ABCC9: variants seen among roughly 807,000 people sequenced by gnomAD.
ABCC9 encodes the protein ATP-binding cassette sub-family C member 9.
In ABCC9, 95 loss-of-function variants were observed where a neutral mutation model predicts 188.3. That is an observed-to-expected ratio of 0.50 (90% CI 0.43 to 0.60). ABCC9 has a LOEUF of 0.60. Among genes scored for constraint, ABCC9 ranks in the 20% least tolerant of loss-of-function variants. ABCC9 has a pLI of 0.00. For synonymous variants in ABCC9, 659 were observed against 652.7 expected (o/e 1.01, Z -0.15); for missense variants, 1,102 against 1,876.3 (o/e 0.59, Z 7.62).
At position 21,887,888 on chromosome 12, in the gene ABCC9, C is replaced by T. The variant is rs757681761; in HGVS notation, c.1849G>A (p.Asp617Asn). 3.7e-5 allele frequency: 60 copies of T among 1,613,338 alleles called. No individual in the cohort carries two copies. Among genetic ancestry groups the T allele is most frequent in the Non-Finnish European group, 4.5e-5 (53 of 1,179,536 alleles). Residue 617 changes from aspartate (D) to asparagine (N), a missense_variant, in exon 15 of 40, where the codon GAC (aspartate) becomes AAC (asparagine). Coordinates refer to ENST00000261200, the MANE Select transcript of ABCC9 (RefSeq NM_020297.4). The part of the protein sequence containing the change: ...EFLLSDEIGD[D>N]SWRTGESSLP... ...GAACTTTCACCAGTTCGCCAACTGT[C>T]GTCACCAATCTCATCACTCAAGAGA...
chr12:21,928,502 ATAT>A (rs1489765639), intron 4 of ABCC9, among the ~76,000 whole-genome samples: 8 of 152,140 alleles, frequency 5.3e-5, no homozygotes, highest in Non-Finnish European at 8.8e-5. Context: ...TCACTTACTA[ATAT>A]TATTTAGGAA....
At chr12:21,867,265 G>A (rs1479042623) in intron 18 of ABCC9, among the ~76,000 whole-genome samples, 1 of 152,024 alleles carries the variant, frequency 6.6e-6, no homozygotes, top group East Asian at 1.9e-4. Context: ...GTTGTGGAAG[G>A]TTATATAATT....
intron 14 of ABCC9, among the ~76,000 whole-genome samples, chr12:21,890,577 C>G (rs566834603): frequency 1.0e-3 from 153 of 152,148 alleles, no homozygotes; most frequent in Middle Eastern, 3.4e-3. Flanking sequence ...ACCTAAATGT[C>G]CAACAACAAT....
chr12:21,921,936 G>A (rs1221309155), intron 5 of ABCC9, among the ~76,000 whole-genome samples: 1 of 151,904 alleles, frequency 6.6e-6, no homozygotes, highest in Admixed American at 6.6e-5. Flanking sequence ...CTATGTGTCT[G>A]TTTTTATGCC....
intron 35 of ABCC9, among the ~76,000 whole-genome samples, chr12:21,813,704 A>C (rs921069486): frequency 6.6e-6 from 1 of 152,234 alleles, no homozygotes; most frequent in Non-Finnish European, 1.5e-5. Flanking sequence ...CATGGAAAAA[A>C]TAAGCTGCTA....
At chr12:21,881,993 G>T (rs551664937) in intron 16 of ABCC9, among the ~76,000 whole-genome samples, 2 of 152,234 alleles carry the variant, frequency 1.3e-5, no homozygotes, top group South Asian at 2.1e-4. Flanking sequence ...ATTATGAAGT[G>T]GCTATTGTGG....
At chr12:21,863,214 T>C (rs1009464650) in intron 19 of ABCC9, among the ~76,000 whole-genome samples, 160 bp from the exon 20 acceptor site, 4 of 145,482 alleles carry the variant, frequency 2.7e-5, no homozygotes, top group African/African-American at 1.0e-4. Flanking sequence ...ACCAACCTTA[T>C]TAAGAAATGA....
At chr12:21,829,451 T>C (rs1019820288) in intron 30 of ABCC9, among the ~76,000 whole-genome samples, 4 of 152,182 alleles carry the variant, frequency 2.6e-5, no homozygotes, top group African/African-American at 7.2e-5. Flanking sequence ...TCCGCCCACC[T>C]TGGCCTCCCA....
chr12:21,864,177 T>C (rs752306482), intron 19 of ABCC9, among the ~76,000 whole-genome samples: 7 of 152,136 alleles, frequency 4.6e-5, no homozygotes, highest in Non-Finnish European at 8.8e-5. Context: ...CCCAGTTTAC[T>C]GAGGATAGTT....
intron 22 of ABCC9, among the ~76,000 whole-genome samples, chr12:21,858,547 C>T (rs2137486518): frequency 6.6e-6 from 1 of 150,982 alleles, no homozygotes; most frequent in East Asian, 2.0e-4. Flanking sequence ...CCATTGCAGT[C>T]CAGTCTGGGC....
intron 39 of ABCC9, among the ~76,000 whole-genome samples, chr12:21,803,656 C>CAAAAA (rs3061809): frequency 7.1e-5 from 6 of 84,594 alleles, no homozygotes; most frequent in Admixed American, 4.7e-4. Context: ...ACTCTGTCTC[C>CAAAAA]AAAAAAAAAA....
intron 30 of ABCC9, among the ~76,000 whole-genome samples, chr12:21,833,488 A>C (rs765641420): frequency 1.2e-4 from 19 of 152,124 alleles, no homozygotes; most frequent in Non-Finnish European, 2.5e-4. Flanking sequence ...AATTATGCTC[A>C]TGTGTCTAGG....
Position 21,812,177 on chromosome 12 carries a change from G to A in ABCC9, c.4103-20C>T. ...TTTTTCCTGTTAAGGAGAAACAGAA[G>A]TTACACACACATAGTAAAATCACAA... On this transcript the variant is annotated intron_variant, in intron 35 of 39. Transcript: ENST00000261200. 3 of 1,409,164 alleles carry A rather than the reference G, an allele frequency of 2.1e-6. No homozygotes were observed. Among genetic ancestry groups the A allele is most frequent in the South Asian group, 1.1e-5 (1 of 86,960 alleles). 87.3% of individuals were successfully genotyped at this position (1,409,164 alleles called of 1,614,324 possible). A position where few individuals can be genotyped will look rare whatever the true frequency, so the allele number is the denominator to read the frequency against.
intron 25 of ABCC9, among the ~76,000 whole-genome samples, chr12:21,846,430 A>G (rs924387404): frequency 3.3e-5 from 5 of 152,224 alleles, no homozygotes; most frequent in Admixed American, 6.5e-5. Flanking sequence ...CCTGACAATC[A>G]AAATTTGATC....
At chr12:21,801,627 C>T (rs1402243790) in intron 39 of ABCC9, among the ~76,000 whole-genome samples, 1 of 152,156 alleles carries the variant, frequency 6.6e-6, no homozygotes, top group Non-Finnish European at 1.5e-5. Context: ...TCCGGGATGA[C>T]AATATGGGGA....
At chr12:21,807,126 T>C (rs1941911485) in intron 38 of ABCC9, among the ~76,000 whole-genome samples, 1 of 152,202 alleles carries the variant, frequency 6.6e-6, no homozygotes, top group East Asian at 1.9e-4. Flanking sequence ...GGCAAATTTA[T>C]TTTATGTTGA....
rs1428595779 is a variant in ABCC9 at position 21,799,959 on chromosome 12, TA to T, written c.*1084del. 3 of 152,256 alleles carry T rather than the reference TA, an allele frequency of 2.0e-5. No individual in the cohort carries two copies. Among genetic ancestry groups the T allele is most frequent in the African/African-American group, 4.8e-5 (2 of 41,470 alleles). 9.4% of individuals were successfully genotyped at this position (152,256 alleles called of 1,614,324 possible). On this transcript the variant is annotated 3_prime_UTR_variant, in exon 40 of 40. Transcript: ENST00000261200. ...TAAAATTACAATAACATTTTTGGTA[TA>T]TTTTTTGTATGCACATTAAAATTAG...
At chr12:21,907,042 G>T (rs1344884867) in intron 11 of ABCC9, among the ~76,000 whole-genome samples, 1 of 152,056 alleles carries the variant, frequency 6.6e-6, no homozygotes, top group Non-Finnish European at 1.5e-5. Flanking sequence ...GTGGTCAAAA[G>T]ACAGATAGGA....
chr12:21,882,699 G>T, intron 16 of ABCC9, 67 bp downstream of exon 16: 2 of 1,388,584 alleles, frequency 1.4e-6, no homozygotes, highest in Non-Finnish European at 2.0e-6. Flanking sequence ...CACTTTCACA[G>T]AACTTCACCA....
Sources: allele counts gnomAD v4.1 joint callset (sites outside exome capture counted in the v4.1 genomes callset), GRCh38; gene constraint gnomAD v4.1.1; transcripts MANE v1.5; gene names NCBI Gene and HGNC (gene_info 2026-07-23, HGNC 2026-07-21).